Variants in ATP13A4 observed in about 807,000 individuals in gnomAD.
ATP13A4 encodes the protein probable cation-transporting ATPase 13A4.
In ATP13A4, 114 loss-of-function variants were observed where a neutral mutation model predicts 142.5. The ratio of observed to expected loss-of-function variants is 0.80; its 90% CI spans 0.69 to 0.93. The LOEUF (loss-of-function observed/expected upper bound fraction) is 0.93, where lower values mean the gene tolerates loss of function less well. Among genes scored for constraint, ATP13A4 ranks in the 40% least tolerant of loss-of-function variants. The pLI is 0.00. For missense variants in ATP13A4, 1,392 were observed against 1,454.0 expected, an observed-to-expected ratio of 0.96 and a Z score of 0.69; for synonymous variants, 488 against 514.8, an observed-to-expected ratio of 0.95 and a Z score of 0.70.
chr3:193,528,303 C>T lies in ATP13A4; in HGVS notation c.61-13432G>A, dbSNP rs74702383. ...CTGAGCATCAGAATTATCCAGTGTG[C>T]GAAGACTATTGGATTCATTTCTATG... On this transcript the variant is annotated intron_variant, in intron 1 of 29. Transcript: ENST00000342695. Among the ~76,000 whole-genome samples, 383 of 152,206 alleles carry T rather than the reference C, an allele frequency of 2.5e-3. 1 individual carries two copies. The highest frequency in any genetic ancestry group is 4.5e-3 in the Non-Finnish European group (304 of 68,018).
At chr3:193,409,741 T>C (rs1267897245) in intron 28 of ATP13A4, among the ~76,000 whole-genome samples, 1 of 152,202 alleles carries the variant, frequency 6.6e-6, no homozygotes, top group Non-Finnish European at 1.5e-5. Context: ...AAACTAAAGA[T>C]ATTAGTTAGT....
chr3:193,554,569 G>T, intron 1 of ATP13A4, 171 bp downstream of exon 1: 1 of 784,866 alleles, frequency 1.3e-6, no homozygotes. Context: ...ATATTTACAG[G>T]ATAGAGAGAT....
chr3:193,477,343 G>GA (rs1313391534), intron 8 of ATP13A4, among the ~76,000 whole-genome samples: 1 of 151,944 alleles, frequency 6.6e-6, no homozygotes, highest in Non-Finnish European at 1.5e-5. Context: ...TAGAACAGAT[G>GA]AAAAAAGATT....
intron 8 of ATP13A4, among the ~76,000 whole-genome samples, chr3:193,474,237 T>G (rs1306905586): frequency 7.2e-6 from 1 of 139,576 alleles, no homozygotes; most frequent in Non-Finnish European, 1.5e-5. Flanking sequence ...GAGAACTGCT[T>G]GAACCCAGGA....
chr3:193,440,398 G>A, intron 21 of ATP13A4, 160 bp downstream of exon 21: 1 of 1,344,068 alleles, frequency 7.4e-7, no homozygotes. Flanking sequence ...AGATCCCTTG[G>A]TACTGCTATT....
At chr3:193,456,384 G>C (rs1717612984) in intron 16 of ATP13A4, among the ~76,000 whole-genome samples, 1 of 152,208 alleles carries the variant, frequency 6.6e-6, no homozygotes, top group Non-Finnish European at 1.5e-5. Flanking sequence ...TTCTGGGGCT[G>C]AGGGAGAATC....
intron 8 of ATP13A4, among the ~76,000 whole-genome samples, chr3:193,474,755 G>T (rs1371215601): frequency 6.6e-6 from 1 of 151,186 alleles, no homozygotes; most frequent in African/African-American, 2.4e-5. Flanking sequence ...AAAGGAAAAA[G>T]AAAGAAAGAG....
At chr3:193,555,236 T>A, upstream of ATP13A4, 1 of 294,288 alleles carries the variant, frequency 3.4e-6, no homozygotes, top group Non-Finnish European at 6.7e-6. Context: ...AGGTCACTGC[T>A]TTATTCAGAG....
chr3:193,563,758 T>A (rs1324052633), intron 2 of ATP13A4, among the ~76,000 whole-genome samples: 1 of 152,244 alleles, frequency 6.6e-6, no homozygotes, highest in Non-Finnish European at 1.5e-5. Flanking sequence ...CTATTTCTTG[T>A]TAGGAAAAAT....
intron 8 of ATP13A4, among the ~76,000 whole-genome samples, chr3:193,471,378 T>C (rs563689167): frequency 4.7e-4 from 72 of 151,804 alleles, no homozygotes; most frequent in Non-Finnish European, 9.4e-4. Flanking sequence ...ACCTGGACAA[T>C]ATAGCGGGAG....
intron 2 of ATP13A4, among the ~76,000 whole-genome samples, chr3:193,578,054 G>A (rs2108744797): frequency 1.3e-5 from 2 of 152,286 alleles, no homozygotes; most frequent in Middle Eastern, 6.8e-3. Flanking sequence ...CAGCACTTGG[G>A]AGGCTGAGGC....
At chr3:193,456,772 TA>T (rs1717637959) in intron 16 of ATP13A4, among the ~76,000 whole-genome samples, 1 of 151,342 alleles carries the variant, frequency 6.6e-6, no homozygotes, top group African/African-American at 2.4e-5. Context: ...AGATGACACG[TA>T]AATGGGGTGG....
intron 21 of ATP13A4, 21 bp downstream of exon 21, chr3:193,440,537 C>T: frequency 6.2e-7 from 1 of 1,613,732 alleles, no homozygotes; most frequent in Non-Finnish European, 8.5e-7. Context: ...TTCATGCCAC[C>T]TGCACTGGCA....
chr3:193,474,781 CAG>C (rs1345284389), intron 8 of ATP13A4, among the ~76,000 whole-genome samples: 16 of 151,390 alleles, frequency 1.1e-4, no homozygotes, highest in South Asian at 2.1e-4. Context: ...AAGAAAGAAA[CAG>C]AGAAAAGGAG....
chr3:193,523,473 T>C (rs1336517474), intron 1 of ATP13A4, among the ~76,000 whole-genome samples: 1 of 152,194 alleles, frequency 6.6e-6, no homozygotes, highest in Admixed American at 6.5e-5. Flanking sequence ...GGCTAGAGAC[T>C]GAGTTCCACC....
chr3:193,590,542 T>C (rs1334610431), intron 1 of ATP13A4, among the ~76,000 whole-genome samples: 1 of 152,214 alleles, frequency 6.6e-6, no homozygotes, highest in African/African-American at 2.4e-5. Context: ...CTCATGATCC[T>C]GTTCTCTTGG....
intron 8 of ATP13A4, among the ~76,000 whole-genome samples, chr3:193,473,435 T>C (rs544899992): frequency 1.3e-4 from 20 of 152,262 alleles, no homozygotes; most frequent in African/African-American, 4.1e-4. Flanking sequence ...AAGTCATCAT[T>C]TGGCAACTAT....
intron 20 of ATP13A4, 60 bp from the exon 21 acceptor site, chr3:193,440,697 T>C: frequency 6.5e-7 from 1 of 1,539,104 alleles, no homozygotes; most frequent in Non-Finnish European, 9.0e-7. Context: ...CATGAAATAA[T>C]TACTAACACT....
chr3:193,531,494 C>T (rs991102978), intron 1 of ATP13A4, among the ~76,000 whole-genome samples: 1 of 152,106 alleles, frequency 6.6e-6, no homozygotes, highest in Non-Finnish European at 1.5e-5. Context: ...TTCTGTGTAA[C>T]GTTGGTGGTT....
Sources: gnomAD v4.1 joint callset for allele counts (sites outside exome capture counted in the v4.1 genomes callset) on GRCh38, gnomAD v4.1.1 for gene constraint, MANE v1.5 for transcripts, NCBI Gene and HGNC (gene_info 2026-07-23, HGNC 2026-07-21) for gene names.